CNTN1: variants seen among roughly 807,000 people sequenced by gnomAD.
The protein encoded by CNTN1 is contactin 1, also known as contactin-1.
CNTN1 carries 38 observed loss-of-function variants against 126.4 expected under a neutral mutation model. The observed-to-expected ratio is 0.30, with a 90% CI of 0.23 to 0.39. The LOEUF (loss-of-function observed/expected upper bound fraction) is 0.39. Ranked by LOEUF, CNTN1 falls within the 10% of genes least tolerant of loss-of-function variation. The pLI is 1.00. For missense variants in CNTN1, 1,009 were observed against 1,248.4 expected (o/e 0.81, Z 2.89); for synonymous variants, 413 against 422.6 (o/e 0.98, Z 0.28).
At chr12:40,951,389 T>C (rs1479373245) in intron 14 of CNTN1, among the ~76,000 whole-genome samples, 1 of 152,206 alleles carries the variant, frequency 6.6e-6, no homozygotes, top group Non-Finnish European at 1.5e-5. Context: ...TATTTTTTTG[T>C]ATGTCCAATG....
chr12:40,729,524 C>G (rs899042239), intron 1 of CNTN1: 1 of 220,700 alleles, frequency 4.5e-6, no homozygotes, highest in Admixed American at 4.3e-5. Context: ...GTGCCTCATG[C>G]AAGCCATCAA....
chr12:40,744,543 T>G (rs1938099507), intron 1 of CNTN1, among the ~76,000 whole-genome samples: 1 of 152,108 alleles, frequency 6.6e-6, no homozygotes, highest in Admixed American at 6.6e-5. Context: ...GTTAACATTT[T>G]TGTACAAAAG....
At chr12:40,969,055 A>G (rs895473367) in intron 15 of CNTN1, among the ~76,000 whole-genome samples, 1 of 152,214 alleles carries the variant, frequency 6.6e-6, no homozygotes, top group Non-Finnish European at 1.5e-5. Flanking sequence ...TTACTAAATA[A>G]GACAAAAACA....
intron 1 of CNTN1, among the ~76,000 whole-genome samples, chr12:40,893,574 A>G (rs1028523915): frequency 1.3e-5 from 2 of 152,118 alleles, no homozygotes; most frequent in Non-Finnish European, 1.5e-5. Context: ...AAAGAAAGTA[A>G]ACAATCTACC....
chr12:40,876,963 A>G (rs750630313), intron 1 of CNTN1, among the ~76,000 whole-genome samples: 1 of 152,088 alleles, frequency 6.6e-6, no homozygotes, highest in Admixed American at 6.6e-5. Flanking sequence ...TTGTCTTTGT[A>G]TACTGTTTCA....
In CNTN1 at chr12:41,071,551, CCT is replaced by C. The variant is rs1216388957; in HGVS notation, c.*1517_*1518del. 1 of 152,098 alleles carries C rather than the reference CCT, an allele frequency of 6.6e-6. No homozygotes were observed. The highest frequency in any genetic ancestry group is 2.4e-5 in the African/African-American group (1 of 41,424). The allele number at this position is 152,098 out of a possible 1,614,324, so 9.4% of individuals were successfully genotyped here. A position where few individuals can be genotyped will look rare whatever the true frequency, so the allele number is the denominator to read the frequency against. On this transcript the variant is annotated 3_prime_UTR_variant, in exon 24 of 24. Coordinates refer to ENST00000551295, the MANE Select transcript of CNTN1 (RefSeq NM_001843.4). ...TATTACTACTTTACCGACTTTACCCCCTTTCTTTAATTTGTATAATTTTTGTA... is the reference window on the plus strand; with the variant it reads ...TATTACTACTTTACCGACTTTACCCCTTCTTTAATTTGTATAATTTTTGTA...
At chr12:40,754,903 C>T (rs1386286482) in intron 1 of CNTN1, among the ~76,000 whole-genome samples, 1 of 151,870 alleles carries the variant, frequency 6.6e-6, no homozygotes, top group East Asian at 1.9e-4. Flanking sequence ...GATTTCTATA[C>T]ATTTAAAAAA....
intron 1 of CNTN1, among the ~76,000 whole-genome samples, chr12:40,714,847 C>T (rs116980720): frequency 6.6e-6 from 1 of 152,136 alleles, no homozygotes; most frequent in Non-Finnish European, 1.5e-5. Context: ...ACTCTATGCT[C>T]TGTATGTGAT....
intron 1 of CNTN1, among the ~76,000 whole-genome samples, chr12:40,693,084 G>C (rs191573998): frequency 2.0e-3 from 300 of 152,340 alleles, no homozygotes; most frequent in Admixed American, 2.6e-3. Context: ...TTGCGGAGAG[G>C]GGAGGAAGCG....
chr12:40,875,392 C>T (rs1042276895), intron 1 of CNTN1, among the ~76,000 whole-genome samples: 2 of 152,036 alleles, frequency 1.3e-5, no homozygotes, highest in Non-Finnish European at 2.9e-5. Context: ...TTTGTATCCA[C>T]ACCCATTTCC....
At chr12:41,057,163 A>T (rs895736234) in intron 23 of CNTN1, among the ~76,000 whole-genome samples, 135 of 141,822 alleles carry the variant, frequency 9.5e-4, no homozygotes, top group Non-Finnish European at 1.6e-3. Flanking sequence ...TATAAATATT[A>T]AGATATTTAT....
chr12:40,705,345 CAT>C (rs1407808484), intron 1 of CNTN1, among the ~76,000 whole-genome samples: 2 of 152,286 alleles, frequency 1.3e-5, no homozygotes, highest in East Asian at 3.9e-4. Flanking sequence ...TCATGTTTGC[CAT>C]AGACCTTCTG....
chr12:40,993,688 G>C (rs555171996), intron 17 of CNTN1, among the ~76,000 whole-genome samples: 3 of 152,058 alleles, frequency 2.0e-5, no homozygotes, highest in South Asian at 2.1e-4. Context: ...TGTCTCTCTC[G>C]AACTCATTTA....
intron 14 of CNTN1, among the ~76,000 whole-genome samples, chr12:40,953,442 C>T (rs1396017362): frequency 6.6e-6 from 1 of 152,100 alleles, no homozygotes; most frequent in Non-Finnish European, 1.5e-5. Flanking sequence ...ATGGAAAGTG[C>T]TAGTAGTATT....
intron 17 of CNTN1, 51 bp from the exon 18 acceptor site, chr12:41,014,177 G>T (rs2120727311): frequency 5.7e-6 from 9 of 1,565,548 alleles, no homozygotes. Context: ...GGAAAAAAAT[G>T]CAGGCCCTCT....
chr12:40,959,715 G>A (rs145918020), intron 15 of CNTN1, among the ~76,000 whole-genome samples: 466 of 151,904 alleles, frequency 3.1e-3, no homozygotes, highest in Middle Eastern at 6.8e-3. Context: ...TAGTGTTTTC[G>A]TTCTTATGAA....
At chr12:41,002,554 C>CTTTTTTTTTTTTTTTTTTTTTTTTTT (rs200237008) in intron 17 of CNTN1, among the ~76,000 whole-genome samples, 1 of 131,514 alleles carries the variant, frequency 7.6e-6, no homozygotes, top group Non-Finnish European at 1.6e-5. Flanking sequence ...TATAGGGTTT[C>CTTTTTTTTTTTTTTTTTTTTTTTTTT]TTTCTTTTTT....
chr12:41,030,893 T>C (rs2120867022), intron 23 of CNTN1, among the ~76,000 whole-genome samples: 1 of 152,338 alleles, frequency 6.6e-6, no homozygotes, highest in East Asian at 1.9e-4. Context: ...TTCAGAACTT[T>C]GTCAACATCT....
chr12:40,971,585 A>G (rs1308076506), intron 15 of CNTN1: 4 of 1,534,966 alleles, frequency 2.6e-6, no homozygotes, highest in African/African-American at 2.8e-5. Context: ...GACTAACTCA[A>G]TCTTGTAGCT....
Sources: allele counts gnomAD v4.1 joint callset (sites outside exome capture counted in the v4.1 genomes callset), GRCh38; gene constraint gnomAD v4.1.1; transcripts MANE v1.5; gene names NCBI Gene and HGNC (gene_info 2026-07-23, HGNC 2026-07-21).